MCC: variants seen among roughly 807,000 people sequenced by gnomAD.
MCC encodes the protein MCC regulator of Wnt signaling pathway, also known as colorectal mutant cancer protein.
In MCC, 90 loss-of-function variants were observed where a neutral mutation model predicts 116.2. That is an observed-to-expected ratio of 0.77 (90% CI 0.65 to 0.92). The LOEUF (loss-of-function observed/expected upper bound fraction) is 0.92. Among genes scored for constraint, MCC ranks in the 40% least tolerant of loss-of-function variants. The probability of loss-of-function intolerance (pLI) is 0.00; values close to 1 mark genes in which losing one functional copy is unlikely to be tolerated. For synonymous variants in MCC, 578 were observed against 510.5 expected (o/e 1.13, Z -1.78); for missense variants, 1,516 against 1,312.2 (o/e 1.16, Z -2.40).
chr5:113,471,330 T>C (rs551632450), intron 1 of MCC, among the ~76,000 whole-genome samples: 3 of 152,296 alleles, frequency 2.0e-5, no homozygotes, highest in South Asian at 2.1e-4. Flanking sequence ...TCTTTGATGA[T>C]GGTGACGTAC....
At chr5:113,088,816 A>G (rs1755386260) in intron 8 of MCC, among the ~76,000 whole-genome samples, 1 of 152,058 alleles carries the variant, frequency 6.6e-6, no homozygotes, top group African/African-American at 2.4e-5. Flanking sequence ...TTCATTGAAG[A>G]CTTATTTTTT....
At chr5:113,310,180 A>C (rs1054226542) in intron 3 of MCC, among the ~76,000 whole-genome samples, 1 of 152,272 alleles carries the variant, frequency 6.6e-6, no homozygotes, top group Non-Finnish European at 1.5e-5. Context: ...AACAGCGTTA[A>C]GAGGTGTGGC....
intron 11 of MCC, among the ~76,000 whole-genome samples, chr5:113,072,568 G>A (rs1313830513): frequency 6.6e-6 from 1 of 152,146 alleles, no homozygotes; most frequent in Non-Finnish European, 1.5e-5. Flanking sequence ...CCTTCTTAAA[G>A]AGCTCCCCTC....
At chr5:113,292,287 C>T (rs1766527883) in intron 3 of MCC, among the ~76,000 whole-genome samples, 1 of 151,958 alleles carries the variant, frequency 6.6e-6, no homozygotes, top group Non-Finnish European at 1.5e-5. Context: ...AAAATAACTA[C>T]CATTCAACCT....
chr5:113,051,334 C>T (rs549240174), intron 15 of MCC, among the ~76,000 whole-genome samples: 120 of 152,128 alleles, frequency 7.9e-4, no homozygotes, highest in African/African-American at 2.7e-3. Context: ...TCAGCATTTA[C>T]AAGAAGCAGA....
chr5:113,395,622 G>A lies in MCC; in HGVS notation c.171-10410C>T, dbSNP rs898351000. Among the ~76,000 whole-genome samples, 12 of 152,194 alleles carry A rather than the reference G, an allele frequency of 7.9e-5. No homozygotes were observed. In the South Asian group the frequency reaches 1.5e-3, roughly 18 times the overall value. ...ACCATACCCTCCCTCTTTCCCCCCA[G>A]GCTGCTGTTTCCCTTTAAATACTGA... is the stretch of plus-strand genomic sequence containing the variant. On this transcript the variant is annotated intron_variant, in intron 1 of 18. Coordinates refer to ENST00000408903, the MANE Select transcript of MCC (RefSeq NM_001085377.2).
At chr5:113,139,026 CT>C (rs1759018964) in intron 5 of MCC, among the ~76,000 whole-genome samples, 1 of 152,114 alleles carries the variant, frequency 6.6e-6, no homozygotes, top group African/African-American at 2.4e-5. Flanking sequence ...TCTAGTAAAA[CT>C]TTAGTAGGCT....
At chr5:113,103,514 A>G (rs1756555219) in intron 7 of MCC, among the ~76,000 whole-genome samples, 1 of 152,250 alleles carries the variant, frequency 6.6e-6, no homozygotes, top group South Asian at 2.1e-4. Context: ...GAAAGATGGA[A>G]AACCAGCAGT....
intron 10 of MCC, 104 bp downstream of exon 10, chr5:113,083,997 T>C: frequency 2.5e-6 from 2 of 814,990 alleles, no homozygotes; most frequent in Non-Finnish European, 4.1e-6. Flanking sequence ...TATAACTAAC[T>C]GGTTTATTGG....
At chr5:113,299,445 A>T (rs1766802498) in intron 3 of MCC, among the ~76,000 whole-genome samples, 1 of 149,302 alleles carries the variant, frequency 6.7e-6, no homozygotes, top group Non-Finnish European at 1.5e-5. Flanking sequence ...ATGTCTTACG[A>T]TTTTTTTTCA....
intron 3 of MCC, among the ~76,000 whole-genome samples, chr5:113,333,976 CT>C (rs1767810134): frequency 7.0e-6 from 1 of 143,100 alleles, no homozygotes; most frequent in Non-Finnish European, 1.5e-5. Context: ...TTTTCATCAA[CT>C]TTCTGTTATG....
chr5:113,095,963 G>A (rs1266851759), intron 8 of MCC, among the ~76,000 whole-genome samples: 1 of 152,188 alleles, frequency 6.6e-6, no homozygotes, highest in African/African-American at 2.4e-5. Flanking sequence ...GTGAGCTGGG[G>A]GACTTGGCAC....
chr5:113,333,986 T>G (rs963974539), intron 3 of MCC, among the ~76,000 whole-genome samples: 2 of 145,050 alleles, frequency 1.4e-5, no homozygotes, highest in African/African-American at 5.1e-5. Flanking sequence ...CTTTCTGTTA[T>G]GCACATGGCT....
chr5:113,328,560 G>A (rs1767623161), intron 3 of MCC, among the ~76,000 whole-genome samples: 1 of 152,058 alleles, frequency 6.6e-6, no homozygotes, highest in Non-Finnish European at 1.5e-5. Flanking sequence ...GAAGTCTCTG[G>A]GTTTCAAATG....
At chr5:113,444,876 A>T (rs777214052) in intron 1 of MCC, among the ~76,000 whole-genome samples, 1 of 152,238 alleles carries the variant, frequency 6.6e-6, no homozygotes, top group Non-Finnish European at 1.5e-5. Context: ...CCACTGTTCC[A>T]TATCATTTAT....
At chr5:113,238,714 G>A (rs1764242555) in intron 3 of MCC, among the ~76,000 whole-genome samples, 1 of 152,234 alleles carries the variant, frequency 6.6e-6, no homozygotes, top group East Asian at 1.9e-4. Context: ...GGTATGGGAT[G>A]TGGAAAGACT....
At chr5:113,446,782 T>C (rs968181596) in intron 1 of MCC, among the ~76,000 whole-genome samples, 6 of 152,056 alleles carry the variant, frequency 3.9e-5, no homozygotes, top group South Asian at 2.1e-4. Context: ...ATGGCAACAA[T>C]AGACACTGGG....
At chr5:113,325,563 G>A (rs1211212115) in intron 3 of MCC, among the ~76,000 whole-genome samples, 5 of 149,540 alleles carry the variant, frequency 3.3e-5, no homozygotes, top group East Asian at 2.0e-4. Context: ...AGGCAATCAC[G>A]CAGAATCACA....
At chr5:113,032,177 G>A (rs769869032) in intron 17 of MCC, among the ~76,000 whole-genome samples, 2 of 152,182 alleles carry the variant, frequency 1.3e-5, no homozygotes, top group Admixed American at 6.5e-5. Flanking sequence ...TTGGTAGGCC[G>A]GGGCTGGCGG....
Sources: allele counts gnomAD v4.1 joint callset (sites outside exome capture counted in the v4.1 genomes callset), GRCh38; gene constraint gnomAD v4.1.1; transcripts MANE v1.5; gene names NCBI Gene and HGNC (gene_info 2026-07-23, HGNC 2026-07-21).